The following NOMO1 variants were observed in gnomAD, a reference collection of about 807,000 sequenced individuals.
The protein encoded by NOMO1 is NODAL modulator 1.
A neutral mutation model predicts 133.8 loss-of-function variants in NOMO1; 40 were observed. The observed-to-expected ratio is 0.30, with a 90% CI of 0.23 to 0.39. The LOEUF (loss-of-function observed/expected upper bound fraction) is 0.39, where lower values mean the gene tolerates loss of function less well. NOMO1 is among the 10% of genes least tolerant of loss of function. The probability of loss-of-function intolerance (pLI) is 1.00; values close to 1 mark genes in which losing one functional copy is unlikely to be tolerated. For missense variants in NOMO1, 462 were observed against 1,419.9 expected (o/e 0.33, Z 10.84); for synonymous variants, 236 against 570.5 (o/e 0.41, Z 8.36).
Position 14,864,557 on chromosome 16 carries a change from C to G in NOMO1, c.1396-28C>G, listed in dbSNP as rs201326681. 1.2e-4 allele frequency: 201 copies of G among 1,613,372 alleles called. 2 individuals carry two copies. The highest frequency in any genetic ancestry group is 1.6e-4 in the Non-Finnish European group (193 of 1,179,770). ...GGGGGAAGATCTCCCCGAATGCAGC[C>G]TCTAACGTTCCATCCACGTTTCCAC... On this transcript the variant is annotated intron_variant, in intron 12 of 30. Coordinates refer to ENST00000287667, the MANE Select transcript of NOMO1 (RefSeq NM_014287.4).
At chr16:14,874,503 A>G (rs1964125951) in intron 18 of NOMO1, among the ~76,000 whole-genome samples, 1 of 152,032 alleles carries the variant, frequency 6.6e-6, no homozygotes, top group Non-Finnish European at 1.5e-5. Context: ...AAAGGCCTTG[A>G]CTGTCCCTTT....
In NOMO1 at chr16:14,895,563, C is replaced by G. The variant is rs3895684; in HGVS notation, c.3587C>G (p.Ala1196Gly). The G allele has an allele frequency of 3.7e-6, 6 of 1,604,524 alleles. No individual in the cohort carries two copies. The East Asian group carries it at 1.3e-4, about 36-fold the overall frequency. ...QLTSRLQGVRALGQAASDNSG... is the reference protein window; with the variant it reads ...QLTSRLQGVRGLGQAASDNSG... ...ACAAGCCGGCTACAGGGAGTCCGCG[C>G]GCTCGGCCAGGCAGCCTCTGACAAT... The change falls in exon 31 of 31, where the codon GCG (alanine) becomes GGG (glycine). Residue 1196 changes from alanine to glycine, a missense_variant. By Grantham distance (60) the Ala-to-Gly change is moderately conservative (BLOSUM62 0). Transcript: ENST00000287667.
rs539160017 is a variant in NOMO1, at chr16:14,874,987, C to A, written c.2055-49C>A. The A allele has an allele frequency of 8.1e-6, 13 of 1,613,060 alleles. No individual in the cohort carries two copies. The African/African-American group carries it at 1.2e-4, about 15-fold the overall frequency. On this transcript the variant is annotated intron_variant, in intron 18 of 30. Transcript: ENST00000287667. ...TACTCGTAGAAAGGTCAAATTCCCA[C>A]TGACCACAAGGATACGCAACTATGT...
intron 11 of NOMO1, 65 bp from the exon 12 acceptor site, chr16:14,862,948 T>A: frequency 6.2e-7 from 1 of 1,610,474 alleles, no homozygotes; most frequent in Non-Finnish European, 8.5e-7. Flanking sequence ...TCTTTTTTGG[T>A]CTATAAGAGC....
At chr16:14,871,314 C>T (rs913151842) in intron 16 of NOMO1, among the ~76,000 whole-genome samples, 1 of 151,442 alleles carries the variant, frequency 6.6e-6, no homozygotes, top group African/African-American at 2.4e-5. Context: ...AACGTACTTT[C>T]TGTTCCTTCT....
chr16:14,875,013 C>T lies in NOMO1; in HGVS notation c.2055-23C>T, dbSNP rs370087289. The stretch of plus-strand genomic sequence containing the variant: ...TGACCACAAGGATACGCAACTATGT[C>T]CTAGGGGCCGTCTTTCTTCTAGGTC... On this transcript the variant is annotated intron_variant, in intron 18 of 30. Transcript: ENST00000287667. 38 of 1,613,664 alleles carry T rather than the reference C, an allele frequency of 2.4e-5. 1 individual carries two copies. The highest frequency in any genetic ancestry group is 1.7e-6 in the Non-Finnish European group (2 of 1,179,846).
Position 14,853,598 on chromosome 16 carries a change from C to T in NOMO1, c.867C>T (p.Tyr289=), listed in dbSNP as rs768518110. The T allele has an allele frequency of 2.5e-6, 4 of 1,611,266 alleles. No individual in the cohort carries two copies. In the South Asian group the frequency reaches 4.4e-5, roughly 18 times the overall value. The change falls in exon 8 of 31, where the codon TAC becomes TAT. Residue 289 remains tyrosine (Y), a synonymous_variant. Transcript: ENST00000287667. The part of the protein sequence containing the change: ...FSFYSLPSGG[Y]TVIPFYRGER... ...TCTATTCCTTGCCAAGTGGGGGCTACACTGTGGTGAGTAAAGCAGATTTCC... is the reference window on the plus strand; with the variant it reads ...TCTATTCCTTGCCAAGTGGGGGCTATACTGTGGTGAGTAAAGCAGATTTCC...
chr16:14,864,841 C>T (rs907285565), intron 13 of NOMO1, 115 bp downstream of exon 13: 33 of 1,507,168 alleles, frequency 2.2e-5, no homozygotes, highest in East Asian at 4.5e-5. Flanking sequence ...CACCTGCGTG[C>T]GAGGGAGGCT....
intron 9 of NOMO1, among the ~76,000 whole-genome samples, chr16:14,856,648 G>A (rs1963841475): frequency 6.6e-6 from 1 of 151,968 alleles, no homozygotes; most frequent in African/African-American, 2.4e-5. Flanking sequence ...CTGACCTCAA[G>A]TGATCTGCCT....
chr16:14,862,003 G>T (rs1420898456), intron 11 of NOMO1, among the ~76,000 whole-genome samples: 1 of 151,246 alleles, frequency 6.6e-6, no homozygotes, highest in Non-Finnish European at 1.5e-5. Context: ...AGAAATGGCT[G>T]TGTTTTTCAT....
intron 2 of NOMO1, among the ~76,000 whole-genome samples, chr16:14,839,726 G>C (rs865784043): frequency 2.0e-4 from 30 of 151,572 alleles, no homozygotes; most frequent in African/African-American, 7.0e-4. Flanking sequence ...CATTAGCATA[G>C]ATAGATCTAC....
At position 14,882,557 on chromosome 16, in the gene NOMO1, C is replaced by G. The variant is rs746153949; in HGVS notation, c.3028-37C>G. On this transcript the variant is annotated intron_variant, in intron 25 of 30. Coordinates refer to ENST00000287667, the MANE Select transcript of NOMO1 (RefSeq NM_014287.4). ...TGGACCAGGCACGATACGACAAGCC[C>G]CCTTTCTAGAGAGCTGACTCCTGAG... 6.8e-6 allele frequency: 11 copies of G among 1,611,452 alleles called. No homozygotes were observed. In the East Asian group the frequency reaches 2.2e-4, roughly 33 times the overall value.
intron 29 of NOMO1, among the ~76,000 whole-genome samples, chr16:14,894,321 C>T (rs1411870366): frequency 6.6e-6 from 1 of 152,158 alleles, no homozygotes; most frequent in Non-Finnish European, 1.5e-5. Flanking sequence ...GGGCACACCA[C>T]TTCCCTAGGG....
Position 14,857,569 on chromosome 16 carries a change from T to G in NOMO1, c.1134T>G (p.His378Gln), listed in dbSNP as rs1212419292. The G allele has an allele frequency of 1.2e-5, 20 of 1,612,106 alleles. No homozygotes were observed. Among genetic ancestry groups the G allele is most frequent in the Non-Finnish European group, 1.6e-5 (19 of 1,179,378 alleles). The change falls in exon 11 of 31, where the codon CAT becomes CAG. Residue 378 changes from histidine to glutamine, a missense_variant. By Grantham distance (24) the His-to-Gln change is conservative (BLOSUM62 0). Transcript: ENST00000287667. Reference protein sequence around the residue: ...ENITTGTYTIHAQKEHLYFET... With the variant: ...ENITTGTYTIQAQKEHLYFET... Reference sequence around the variant, plus strand: ...TAACCACAGGGACATACACCATCCATGCTCAGAAAGAGCACCTCTACTTTG... The same window carrying G: ...TAACCACAGGGACATACACCATCCAGGCTCAGAAAGAGCACCTCTACTTTG...
intron 2 of NOMO1, among the ~76,000 whole-genome samples, chr16:14,839,211 C>T (rs1479033266): frequency 2.0e-5 from 3 of 151,784 alleles, no homozygotes; most frequent in African/African-American, 7.3e-5. Flanking sequence ...CCTGCCACTA[C>T]ACCCAGCTAA....
chr16:14,882,825 A>G, intron 26 of NOMO1, 148 bp downstream of exon 26: 1 of 1,513,160 alleles, frequency 6.6e-7, no homozygotes, highest in Admixed American at 2.0e-5. Context: ...TGTCATCTTC[A>G]CAAGCAGCAT....
chr16:14,845,970 G>A (rs1267890438), intron 4 of NOMO1, among the ~76,000 whole-genome samples: 1 of 150,454 alleles, frequency 6.6e-6, no homozygotes, highest in East Asian at 1.9e-4. Flanking sequence ...GGGATTACAG[G>A]CGTGTGCCAC....
intron 11 of NOMO1, among the ~76,000 whole-genome samples, chr16:14,860,212 C>CA (rs1243939458): frequency 6.6e-6 from 1 of 151,800 alleles, no homozygotes; most frequent in African/African-American, 2.4e-5. Flanking sequence ...ACTAAAGATA[C>CA]AAAAGGTTGG....
At chr16:14,841,292 CACTAA>C (rs1963600806) in intron 2 of NOMO1, 65 bp from the exon 3 acceptor site, 2 of 677,556 alleles carry the variant, frequency 3.0e-6, no homozygotes, top group African/African-American at 3.7e-5. Context: ...TAAATGATAA[CACTAA>C]ACTAAATTTA....
Sources: gnomAD v4.1 joint callset for allele counts (sites outside exome capture counted in the v4.1 genomes callset) on GRCh38, gnomAD v4.1.1 for gene constraint, MANE v1.5 for transcripts, NCBI Gene and HGNC (gene_info 2026-07-23, HGNC 2026-07-21) for gene names.